MIA2: variants seen among roughly 807,000 people sequenced by gnomAD.
MIA2 encodes melanoma inhibitory activity protein 2.
A neutral mutation model predicts 167.8 loss-of-function variants in MIA2; 127 were observed. The observed-to-expected ratio is 0.76, with a 90% confidence interval of 0.66 to 0.88. The LOEUF is 0.88. Ranked by LOEUF, MIA2 falls within the 40% of genes least tolerant of loss-of-function variation. The pLI, the probability that MIA2 is intolerant of heterozygous loss-of-function variation, is 0.00. For missense variants in MIA2, 1,690 were observed against 1,624.7 expected, an observed-to-expected ratio of 1.04 and a Z score of -0.69; for synonymous variants, 552 against 541.9, an observed-to-expected ratio of 1.02 and a Z score of -0.26.
At chr14:39,371,520 A>G (rs899046551) in intron 23 of MIA2, among the ~76,000 whole-genome samples, 1 of 152,198 alleles carries the variant, frequency 6.6e-6, no homozygotes, top group African/African-American at 2.4e-5. Flanking sequence ...ATCCAGTGTT[A>G]TAATCATGAC....
chr14:39,280,659 G>T (rs1418812108), intron 9 of MIA2, among the ~76,000 whole-genome samples: 1 of 152,232 alleles, frequency 6.6e-6, no homozygotes, highest in South Asian at 2.1e-4. Flanking sequence ...CGTGAACCAG[G>T]AGACGGAGCT....
chr14:39,295,892 A>G (rs764182609), intron 13 of MIA2, among the ~76,000 whole-genome samples: 6 of 152,030 alleles, frequency 3.9e-5, no homozygotes, highest in Non-Finnish European at 7.4e-5. Flanking sequence ...GTCTTATTCA[A>G]TATTTTCCTT....
At chr14:39,278,139 A>G (rs905446259) in intron 7 of MIA2, among the ~76,000 whole-genome samples, 9 of 151,460 alleles carry the variant, frequency 5.9e-5, no homozygotes, top group African/African-American at 1.5e-4. Flanking sequence ...ATGCCTGGCT[A>G]ATTTTTGTAT....
At chr14:39,308,381 C>T (rs2063696664) in intron 17 of MIA2, 68 bp from the exon 18 acceptor site, 2 of 975,312 alleles carry the variant, frequency 2.1e-6, no homozygotes, top group Non-Finnish European at 2.9e-6. Context: ...TAATTTTTAT[C>T]TTTCTGAAAT....
At chr14:39,250,523 C>T (rs2152633239) in intron 4 of MIA2, among the ~76,000 whole-genome samples, 1 of 151,580 alleles carries the variant, frequency 6.6e-6, no homozygotes, top group South Asian at 2.1e-4. Flanking sequence ...TGATGAAACC[C>T]TGTCTCTACT....
intron 1 of MIA2, among the ~76,000 whole-genome samples, chr14:39,235,975 A>G (rs892838365): frequency 9.9e-5 from 15 of 152,146 alleles, no homozygotes; most frequent in Non-Finnish European, 1.5e-5. Flanking sequence ...TATAATAGGT[A>G]ATATGGTGTG....
chr14:39,250,795 A>G (rs1244198013), intron 4 of MIA2, among the ~76,000 whole-genome samples: 2 of 150,886 alleles, frequency 1.3e-5, no homozygotes, highest in Non-Finnish European at 3.0e-5. Context: ...AAATAGTTAA[A>G]TGACAATAGG....
At chr14:39,301,892 A>G (rs1330665333) in intron 14 of MIA2, among the ~76,000 whole-genome samples, 1 of 152,234 alleles carries the variant, frequency 6.6e-6, no homozygotes, top group Non-Finnish European at 1.5e-5. Flanking sequence ...TAATATTAAT[A>G]TGTACTATAT....
intron 13 of MIA2, among the ~76,000 whole-genome samples, chr14:39,298,883 A>G (rs116122984): frequency 0.02 from 3,017 of 151,392 alleles, 100 homozygotes; most frequent in African/African-American, 0.067. Flanking sequence ...CAGGAGTTCA[A>G]GATCAGTCTG....
intron 23 of MIA2, among the ~76,000 whole-genome samples, chr14:39,376,640 CAA>C (rs2075051375): frequency 6.6e-6 from 1 of 152,112 alleles, no homozygotes; most frequent in Non-Finnish European, 1.5e-5. Context: ...GTATGTGAGA[CAA>C]ATCTCAATCA....
chr14:39,301,039 TACACACACACACACACACACAC>T (rs58641218), intron 14 of MIA2, among the ~76,000 whole-genome samples: 2 of 145,152 alleles, frequency 1.4e-5, no homozygotes, highest in Non-Finnish European at 3.0e-5. Context: ...TACATATACA[TACACACACACACACACACACAC>T]ACACACACAC....
intron 23 of MIA2, among the ~76,000 whole-genome samples, chr14:39,368,793 T>A (rs2074877555): frequency 6.6e-6 from 1 of 152,002 alleles, no homozygotes; most frequent in Admixed American, 6.5e-5. Context: ...TTGAAATTTT[T>A]TTCAGTAAAC....
chr14:39,277,119 A>G lies in MIA2; in HGVS notation c.2019+54A>G, dbSNP rs2058113712. On this transcript the variant is annotated intron_variant, in intron 7 of 28. Transcript: ENST00000640607. ...TGTTCATTTTGTCACTGGGCTGAAC[A>G]AATAATATGAGAAACATATTTGTTA... 3.9e-6 allele frequency: 6 copies of G among 1,543,254 alleles called. No homozygotes were observed. The South Asian group carries it at 7.3e-5, about 19-fold the overall frequency.
chr14:39,240,836 A>G (rs896341507), intron 3 of MIA2, among the ~76,000 whole-genome samples, 189 bp downstream of exon 3: 4 of 152,224 alleles, frequency 2.6e-5, no homozygotes, highest in African/African-American at 4.8e-5. Context: ...AGGTGACAGT[A>G]AAAGATTTTG....
At chr14:39,386,784 C>T in intron 23 of MIA2, 8 of 1,208,372 alleles carry the variant, frequency 6.6e-6, no homozygotes, top group Non-Finnish European at 9.8e-6. Context: ...CTTTGCTTTT[C>T]TAAGTGATAG....
intron 6 of MIA2, among the ~76,000 whole-genome samples, chr14:39,274,182 G>C (rs915375967): frequency 6.6e-6 from 1 of 152,068 alleles, no homozygotes; most frequent in Non-Finnish European, 1.5e-5. Flanking sequence ...ACTTTATGGA[G>C]GGTTACTCTT....
intron 23 of MIA2, among the ~76,000 whole-genome samples, chr14:39,364,397 A>G (rs1481840121): frequency 6.7e-6 from 1 of 150,242 alleles, no homozygotes; most frequent in African/African-American, 2.4e-5. Context: ...GTTATTTTGT[A>G]TGTCTCATGT....
chr14:39,329,918 G>C (rs2068421279), intron 25 of MIA2, among the ~76,000 whole-genome samples: 1 of 152,080 alleles, frequency 6.6e-6, no homozygotes, highest in Non-Finnish European at 1.5e-5. Context: ...AGAGATATTG[G>C]CCTGAAATTT....
At position 39,288,475 on chromosome 14, in the gene MIA2, A is replaced by AT. The variant is rs1247369150; in HGVS notation, c.2131-2527dup. Among the ~76,000 whole-genome samples the AT allele has an allele frequency of 1.2e-3, 61 of 50,526 alleles. 2 individuals are homozygous for AT. Among genetic ancestry groups the AT allele is most frequent in the Admixed American group, 1.6e-3 (4 of 2,548 alleles). 33.1% of individuals were successfully genotyped at this position (50,526 alleles called of 152,430 possible). ...TATATATATATATATATATATATATATTTTTTTTTTTTTTTTTGAGACGGA... is the reference window on the plus strand; with the variant it reads ...TATATATATATATATATATATATATATTTTTTTTTTTTTTTTTTGAGACGGA... On this transcript the variant is annotated intron_variant, in intron 9 of 28. Coordinates refer to ENST00000640607, the MANE Select transcript of MIA2 (RefSeq NM_001329214.4).
Sources: allele counts gnomAD v4.1 joint callset (sites outside exome capture counted in the v4.1 genomes callset), GRCh38; gene constraint gnomAD v4.1.1; transcripts MANE v1.5; gene names NCBI Gene and HGNC (gene_info 2026-07-23, HGNC 2026-07-21).